Variants in STIL observed in about 807,000 individuals in gnomAD.
The protein encoded by STIL is STIL centriolar assembly protein.
STIL carries 55 observed loss-of-function variants against 110.1 expected under a neutral mutation model. The ratio of observed to expected loss-of-function variants is 0.50; its 90% CI spans 0.40 to 0.63. The LOEUF (loss-of-function observed/expected upper bound fraction) is 0.63, where lower values mean the gene tolerates loss of function less well. STIL is among the 20% of genes least tolerant of loss of function. The pLI is 0.00. For synonymous variants in STIL, 481 were observed against 530.0 expected (o/e 0.91, Z 1.27); for missense variants, 1,358 against 1,530.0 (o/e 0.89, Z 1.87).
At chr1:47,288,359 C>G (rs933644695) in intron 9 of STIL, among the ~76,000 whole-genome samples, 1 of 151,656 alleles carries the variant, frequency 6.6e-6, no homozygotes, top group Non-Finnish European at 1.5e-5. Flanking sequence ...TGCAGCGGCA[C>G]GATCTCAGTT....
At chr1:47,295,059 T>C (rs1445869923) in intron 7 of STIL, among the ~76,000 whole-genome samples, 1 of 151,990 alleles carries the variant, frequency 6.6e-6, no homozygotes, top group Non-Finnish European at 1.5e-5. Context: ...GTAGCTGGGA[T>C]TACAGGCACG....
intron 10 of STIL, among the ~76,000 whole-genome samples, chr1:47,284,276 G>A (rs1386315386): frequency 6.6e-6 from 1 of 152,082 alleles, no homozygotes; most frequent in African/African-American, 2.4e-5. Context: ...AGTACTTTAG[G>A]AGAGACAAAC....
At chr1:47,290,702 CAA>C (rs546994585) in intron 8 of STIL, among the ~76,000 whole-genome samples, 21 of 75,824 alleles carry the variant, frequency 2.8e-4, no homozygotes, top group Admixed American at 4.4e-4. Context: ...GACTCCGTCT[CAA>C]AAAAAAAAAA....
At chr1:47,289,863 G>A (rs1006720390) in intron 8 of STIL, among the ~76,000 whole-genome samples, 2 of 150,250 alleles carry the variant, frequency 1.3e-5, no homozygotes, top group Non-Finnish European at 1.5e-5. Flanking sequence ...GCGTGAACCC[G>A]GGAGGCGGAG....
chr1:47,252,029 T>G (rs1459277525), intron 16 of STIL, 107 bp from the exon 17 acceptor site: 1 of 1,173,962 alleles, frequency 8.5e-7, no homozygotes, highest in African/African-American at 1.5e-5. Flanking sequence ...AGCTTTAAGT[T>G]CATGGTCCTT....
At position 47,258,992 on chromosome 1, in the gene STIL, C is replaced by CTTTTTTTTTTTTTTTTTTTTT. The variant is rs549227243; in HGVS notation, c.3080+1296_3080+1297insAAAAAAAAAAAAAAAAAAAAA. On this transcript the variant is annotated intron_variant, in intron 16 of 16. Coordinates refer to ENST00000371877, the MANE Select transcript of STIL (RefSeq NM_001048166.1). ...GAAATGGTTAAGAGAAGTAACTTTG[C>CTTTTTTTTTTTTTTTTTTTTT]TTTTTTTTTTTTTTGAGACAGTCTT... Among the ~76,000 whole-genome samples the CTTTTTTTTTTTTTTTTTTTTT allele has an allele frequency of 2.6e-4, 25 of 94,422 alleles. 5 individuals carry two copies. The highest frequency in any genetic ancestry group is 9.6e-4 in the African/African-American group (21 of 21,782). The allele number at this position is 94,422 out of a possible 152,430, so 61.9% of individuals were successfully genotyped here. A position where few individuals can be genotyped will look rare whatever the true frequency, so the allele number is the denominator to read the frequency against.
At position 47,304,513 on chromosome 1, in the gene STIL, CA is replaced by C. The variant is rs1645896528; in HGVS notation, c.152+375del. Among the ~76,000 whole-genome samples the C allele has an allele frequency of 2.0e-5, 3 of 152,236 alleles. No homozygotes were observed. The South Asian group carries it at 6.2e-4, about 31-fold the overall frequency. On this transcript the variant is annotated intron_variant, in intron 3 of 16. Coordinates refer to ENST00000371877, the MANE Select transcript of STIL (RefSeq NM_001048166.1). Reference sequence around the variant, plus strand: ...TTTACACCTAAACTTTCTTGTCTGTCAAGGTCCTAGATGTAACTACAAGATT... The same window carrying C: ...TTTACACCTAAACTTTCTTGTCTGTCAGGTCCTAGATGTAACTACAAGATT...
intron 14 of STIL, among the ~76,000 whole-genome samples, chr1:47,263,711 A>AAAT (rs913076214): frequency 7.0e-6 from 1 of 142,926 alleles, no homozygotes; most frequent in Non-Finnish European, 1.6e-5. Context: ...TAGAGCATTT[A>AAAT]AATATTTTAG....
chr1:47,251,189 C>T lies in STIL; in HGVS notation c.3814G>A (p.Val1272Ile), dbSNP rs142282148. Residue 1272 changes from valine to isoleucine, a missense_variant, in exon 17 of 17, where the codon GTA becomes ATA. By Grantham distance (29) the Val-to-Ile change is conservative. Transcript: ENST00000371877. ...CGTTTTACATCTAAGAAGGTGCCTACTGAATTCATGCTATTCATCTGCTTT... is the reference window on the plus strand; with the variant it reads ...CGTTTTACATCTAAGAAGGTGCCTATTGAATTCATGCTATTCATCTGCTTT... ...TLKQMNSMNS[V>I]GTFLDVKRLR... 2 of 1,612,970 alleles carry T rather than the reference C, an allele frequency of 1.2e-6. No individual in the cohort carries two copies. The highest frequency in any genetic ancestry group is 3.3e-5 in the Admixed American group (2 of 59,744).
chr1:47,251,431 G>A lies in STIL; in HGVS notation c.3572C>T (p.Ala1191Val), dbSNP rs761952703. ...AATATTTCTCAATACTGGCGTATCT[G>A]CGTTGGTCCCCACAGATTCACAGTT... ...CSNCESVGTN[A>V]DTPVLRNITN... Residue 1191 changes from alanine to valine, a missense_variant, in exon 17 of 17, where the codon GCA becomes GTA. Ala to Val is a moderately conservative substitution (Grantham distance 64). Coordinates refer to ENST00000371877, the MANE Select transcript of STIL (RefSeq NM_001048166.1). 6.2e-7 allele frequency: 1 copy of A among 1,614,214 alleles called. No individual in the cohort carries two copies. The highest frequency in any genetic ancestry group is 8.5e-7 in the Non-Finnish European group (1 of 1,180,042).
intron 3 of STIL, among the ~76,000 whole-genome samples, chr1:47,302,882 T>TA (rs1645847047): frequency 6.6e-6 from 1 of 152,022 alleles, no homozygotes; most frequent in African/African-American, 2.4e-5. Flanking sequence ...CAGTATACTG[T>TA]AAAAAAGTTG....
At chr1:47,295,251 T>C (rs1477026336) in intron 7 of STIL, among the ~76,000 whole-genome samples, 1 of 152,050 alleles carries the variant, frequency 6.6e-6, no homozygotes, top group Non-Finnish European at 1.5e-5. Flanking sequence ...AATTAAGCTT[T>C]TATCTGTTTT....
chr1:47,269,958 T>C (rs1275221041), intron 13 of STIL, 92 bp from the exon 14 acceptor site: 4 of 1,183,688 alleles, frequency 3.4e-6, no homozygotes, highest in Admixed American at 1.8e-5. Context: ...CCATATTGGC[T>C]GGGTGCAATG....
intron 12 of STIL, among the ~76,000 whole-genome samples, chr1:47,277,577 G>T (rs1645028927): frequency 6.6e-6 from 1 of 152,180 alleles, no homozygotes; most frequent in South Asian, 2.1e-4. Context: ...GTTTGAATTA[G>T]GTTGGTAGCA....
Position 47,280,564 on chromosome 1 carries a change from C to T in STIL, c.1894G>A (p.Val632Ile). 6.2e-7 allele frequency: 1 copy of T among 1,614,266 alleles called. No homozygotes were observed. Among genetic ancestry groups the T allele is most frequent in the Non-Finnish European group, 8.5e-7 (1 of 1,180,054 alleles). Residue 632 changes from valine (V) to isoleucine (I), a missense_variant, in exon 12 of 17, where the codon GTC becomes ATC. Val to Ile is a conservative substitution (Grantham distance 29, BLOSUM62 3). Coordinates refer to ENST00000371877, the MANE Select transcript of STIL (RefSeq NM_001048166.1). Reference protein sequence around the residue: ...GANTVGSIQDVQSEALQKHSL... With the variant: ...GANTVGSIQDIQSEALQKHSL... The stretch of plus-strand genomic sequence containing the variant: ...TGCTTTTGAAGGGCTTCAGACTGGA[C>T]ATCTTGAATGGATCCAACTGTGTTT...
At chr1:47,283,870 C>T (rs949119582) in intron 10 of STIL, 7 of 123,034 alleles carry the variant, frequency 5.7e-5, no homozygotes, top group African/African-American at 2.2e-4. Flanking sequence ...TGACACTGAG[C>T]AATAAAACCC....
intron 13 of STIL, among the ~76,000 whole-genome samples, chr1:47,271,808 C>CAA (rs949875842): frequency 8.0e-6 from 1 of 124,276 alleles, no homozygotes. Context: ...GACTCCATTT[C>CAA]AAAAAAAAAA....
intron 5 of STIL, 51 bp downstream of exon 5, chr1:47,301,510 A>G (rs372544311): frequency 1.7e-5 from 25 of 1,507,254 alleles, no homozygotes; most frequent in African/African-American, 2.7e-5. Context: ...CATACTAAAC[A>G]TAGTTTGATT....
chr1:47,265,605 A>AC (rs1644627076), intron 14 of STIL, among the ~76,000 whole-genome samples: 2 of 151,242 alleles, frequency 1.3e-5, no homozygotes, highest in Admixed American at 1.3e-4. Context: ...ACATGGAGAA[A>AC]CCCCGTCTCT....
Sources: allele counts gnomAD v4.1 joint callset (sites outside exome capture counted in the v4.1 genomes callset), GRCh38; gene constraint gnomAD v4.1.1; transcripts MANE v1.5; gene names NCBI Gene and HGNC (gene_info 2026-07-23, HGNC 2026-07-21).